Variants in CPSF6 observed in about 807,000 individuals in gnomAD.
CPSF6 encodes the protein cleavage and polyadenylation specific factor 6.
CPSF6 carries 10 observed loss-of-function variants against 56.7 expected under a neutral mutation model. The ratio of observed to expected loss-of-function variants is 0.18; its 90% CI spans 0.11 to 0.30. The LOEUF is 0.30. Ranked by LOEUF, CPSF6 falls within the 10% of genes least tolerant of loss-of-function variation. CPSF6 has a pLI of 1.00. For synonymous variants in CPSF6, 248 were observed against 244.8 expected (o/e 1.01, Z -0.12); for missense variants, 419 against 722.9 (o/e 0.58, Z 4.82).
intron 9 of CPSF6, among the ~76,000 whole-genome samples, chr12:69,266,234 C>G (rs1456062271): frequency 6.6e-6 from 1 of 151,802 alleles, no homozygotes; most frequent in Non-Finnish European, 1.5e-5. Flanking sequence ...AGCCCTGTTT[C>G]CTTGTTTTCC....
intron 1 of CPSF6, among the ~76,000 whole-genome samples, chr12:69,243,289 GA>G (rs905195275): frequency 6.6e-6 from 1 of 152,138 alleles, no homozygotes; most frequent in African/African-American, 2.4e-5. Flanking sequence ...TCTGAGGTCT[GA>G]AAATATTACA....
intron 3 of CPSF6, 132 bp downstream of exon 3, chr12:69,253,286 G>A (rs1431439032): frequency 2.1e-6 from 1 of 472,306 alleles, no homozygotes; most frequent in African/African-American, 2.0e-5. Context: ...TGTTTACATT[G>A]GAAGGAGGTT....
chr12:69,250,092 C>T (rs995259800), intron 1 of CPSF6, among the ~76,000 whole-genome samples: 1 of 151,860 alleles, frequency 6.6e-6, no homozygotes, highest in Non-Finnish European at 1.5e-5. Context: ...TTTCTCTTTA[C>T]CTTGTTCATT....
intron 6 of CPSF6, 35 bp downstream of exon 6, chr12:69,259,129 A>G: frequency 2.6e-6 from 4 of 1,561,506 alleles, no homozygotes; most frequent in Non-Finnish European, 3.5e-6. Flanking sequence ...GTACTTGATG[A>G]TAAAAGATAG....
rs531263827 is a variant in CPSF6, at chr12:69,253,159, GT to G, written c.374+15del. ...GGCAAATGGCCAGTCAAAGGGGTAA[GT>G]TTTTTTTTTCTTTCTTTTTGATTTA... On this transcript the variant is annotated splice_donor_region_variant and intron_variant, in intron 3 of 9. Transcript: ENST00000435070. 2,488 of 1,264,720 alleles carry G rather than the reference GT, an allele frequency of 2.0e-3. 2 individuals carry two copies. Among genetic ancestry groups the G allele is most frequent in the Non-Finnish European group, 2.2e-3 (2,052 of 916,648 alleles). 78.3% of individuals were successfully genotyped at this position (1,264,720 alleles called of 1,614,324 possible).
rs1254683277 is a variant in CPSF6 at position 69,252,135 on chromosome 12, T to G, written c.270+797T>G. On this transcript the variant is annotated intron_variant, in intron 2 of 9. Coordinates refer to ENST00000435070, the MANE Select transcript of CPSF6 (RefSeq NM_007007.3). ...TGTCACCCAGGCTGGAGTGCAGTGGTGTAATCATAGCTCACTGAAGCCTCA... is the reference window on the plus strand; with the variant it reads ...TGTCACCCAGGCTGGAGTGCAGTGGGGTAATCATAGCTCACTGAAGCCTCA... 5 of 453,654 alleles carry G rather than the reference T, an allele frequency of 1.1e-5. No individual in the cohort carries two copies. The Admixed American group carries it at 1.2e-4, about 11-fold the overall frequency. The allele number at this position is 453,654 out of a possible 1,614,324, so 28.1% of individuals were successfully genotyped here.
intron 3 of CPSF6, 123 bp from the exon 4 acceptor site, chr12:69,256,574 A>G: frequency 3.2e-6 from 3 of 945,812 alleles, no homozygotes; most frequent in South Asian, 1.8e-5. Flanking sequence ...GATTACAGGC[A>G]TGAGCCACTG....
At position 69,256,778 on chromosome 12, in the gene CPSF6, G is replaced by T. The variant is rs1300855904; in HGVS notation, c.456G>T (p.Gln152His). ...TACCTAAAAGAGAACTTCATGGTCA[G>T]AATCCTGTTGTAACTCCATGCAATA... ...DLLPKRELHGQNPVVTPCNKQ... is the reference protein window; with the variant it reads ...DLLPKRELHGHNPVVTPCNKQ... The change falls in exon 4 of 10, where the codon CAG becomes CAT. Residue 152 changes from glutamine to histidine, a missense_variant. Coordinates refer to ENST00000435070, the MANE Select transcript of CPSF6 (RefSeq NM_007007.3). The T allele has an allele frequency of 1.2e-6, 2 of 1,613,940 alleles. No individual in the cohort carries two copies.
At position 69,260,210 on chromosome 12, in the gene CPSF6, T is replaced by C. The variant is rs750111404; in HGVS notation, c.1469+13T>C. On this transcript the variant is annotated intron_variant, in intron 8 of 9. Transcript: ENST00000435070. Reference sequence around the variant, plus strand: ...GTTCTGGATCAAGGTAAAACTTTCCTGTCTCATTTCCATTTAAAAAAACTG... The same window carrying C: ...GTTCTGGATCAAGGTAAAACTTTCCCGTCTCATTTCCATTTAAAAAAACTG... 22 of 1,542,764 alleles carry C rather than the reference T, an allele frequency of 1.4e-5. No homozygotes were observed. Among genetic ancestry groups the C allele is most frequent in the East Asian group, 9.7e-5 (4 of 41,402 alleles).
chr12:69,265,347 A>G (rs1872922378), intron 9 of CPSF6, among the ~76,000 whole-genome samples: 1 of 152,178 alleles, frequency 6.6e-6, no homozygotes, highest in South Asian at 2.1e-4. Context: ...TTTTAGTTTC[A>G]TAGTTGAGTT....
rs1873215854 is a variant in CPSF6 at position 69,271,042 on chromosome 12, C to G, written c.*1534C>G. ...TGTAGAAACCCTCCAGAAATTTCCA[C>G]TGCTGTTCTTCACTTTCATCTTGTC... On this transcript the variant is annotated 3_prime_UTR_variant, in exon 10 of 10. Coordinates refer to ENST00000435070, the MANE Select transcript of CPSF6 (RefSeq NM_007007.3). 6.6e-6 allele frequency: 1 copy of G among 151,878 alleles called. No homozygotes were observed. Among genetic ancestry groups the G allele is most frequent in the Admixed American group, 6.6e-5 (1 of 15,226 alleles). 9.4% of individuals were successfully genotyped at this position (151,878 alleles called of 1,614,324 possible).
At chr12:69,253,928 G>C (rs1030039450) in intron 3 of CPSF6, among the ~76,000 whole-genome samples, 2 of 151,862 alleles carry the variant, frequency 1.3e-5, no homozygotes, top group Admixed American at 1.3e-4. Flanking sequence ...TTCTTTTAAG[G>C]ATAAATTGTT....
Position 69,270,938 on chromosome 12 carries a change from A to G in CPSF6, c.*1430A>G, listed in dbSNP as rs918798072. Reference sequence around the variant, plus strand: ...TTTGAGAGATCTTCTGTTAATACACATTGGTTGTTAAAGAGTACCCAAATT... The same window carrying G: ...TTTGAGAGATCTTCTGTTAATACACGTTGGTTGTTAAAGAGTACCCAAATT... On this transcript the variant is annotated 3_prime_UTR_variant, in exon 10 of 10. Coordinates refer to ENST00000435070, the MANE Select transcript of CPSF6 (RefSeq NM_007007.3). 1.3e-5 allele frequency: 2 copies of G among 151,738 alleles called. No homozygotes were observed. The highest frequency in any genetic ancestry group is 3.0e-5 in the Non-Finnish European group (2 of 67,684). 9.4% of individuals were successfully genotyped at this position (151,738 alleles called of 1,614,324 possible).
intron 9 of CPSF6, among the ~76,000 whole-genome samples, chr12:69,268,207 TTAAA>T (rs1341149654): frequency 3.3e-5 from 5 of 151,904 alleles, no homozygotes; most frequent in African/African-American, 9.6e-5. Flanking sequence ...TTTTTCCCCA[TTAAA>T]TAGTTTCACT....
chr12:69,260,301 T>C, intron 8 of CPSF6, 104 bp downstream of exon 8: 1 of 885,776 alleles, frequency 1.1e-6, no homozygotes. Flanking sequence ...ACTTACTGAT[T>C]ATTTAGCAGC....
chr12:69,240,027 C>A (rs1871522459), intron 1 of CPSF6, among the ~76,000 whole-genome samples: 3 of 151,534 alleles, frequency 2.0e-5, no homozygotes. Flanking sequence ...TCCCGCCGCG[C>A]TAGGCCCGGG....
In CPSF6 at chr12:69,273,431, A is replaced by G. The variant is rs2063461192; in HGVS notation, c.*3923A>G. 6.1e-6 allele frequency: 1 copy of G among 165,206 alleles called. No individual in the cohort carries two copies. Among genetic ancestry groups the G allele is most frequent in the African/African-American group, 2.4e-5 (1 of 41,600 alleles). 10.2% of individuals were successfully genotyped at this position (165,206 alleles called of 1,614,324 possible). A position where few individuals can be genotyped will look rare whatever the true frequency, so the allele number is the denominator to read the frequency against. On this transcript the variant is annotated 3_prime_UTR_variant, in exon 10 of 10. Transcript: ENST00000435070. ...ATTGTAATGGAGTCTTTTAAATACT[A>G]GGTTGAATTTAATTGAAGTCACACA...
intron 8 of CPSF6, 84 bp downstream of exon 8, chr12:69,260,281 C>T (rs1194449130): frequency 4.6e-6 from 5 of 1,081,310 alleles, no homozygotes; most frequent in Non-Finnish European, 1.3e-6. Context: ...AAAAGGAGGA[C>T]TTTGCTTTTA....
At position 69,258,461 on chromosome 12, in the gene CPSF6, A is replaced by G. The variant is rs1407352158; in HGVS notation, c.695-129A>G. On this transcript the variant is annotated intron_variant, in intron 5 of 9. Transcript: ENST00000435070. This position sits in a 1 kb window ranked among gnomAD's most constrained non-coding sequence, Gnocchi z 4.2. ...TAGTTGGTAGTGTAACATTTACCAT[A>G]CGGGTTTAATTTAAAGACAAAGACT... 5 of 923,918 alleles carry G rather than the reference A, an allele frequency of 5.4e-6. No individual in the cohort carries two copies. The highest frequency in any genetic ancestry group is 7.9e-6 in the Non-Finnish European group (5 of 636,630). 57.2% of individuals were successfully genotyped at this position (923,918 alleles called of 1,614,324 possible). A position where few individuals can be genotyped will look rare whatever the true frequency, so the allele number is the denominator to read the frequency against.
Sources: gnomAD v4.1 joint callset for allele counts (sites outside exome capture counted in the v4.1 genomes callset) on GRCh38, gnomAD v4.1.1 for gene constraint, Gnocchi (gnomAD v3.1) non-coding constraint, MANE v1.5 for transcripts, NCBI Gene and HGNC (gene_info 2026-07-23, HGNC 2026-07-21) for gene names.